Variants in NKD2 observed in about 807,000 individuals in gnomAD.
NKD2 encodes protein naked cuticle homolog 2.
Under a neutral mutation model 34.8 loss-of-function variants are expected in NKD2, and 43 were observed. The observed-to-expected ratio is 1.24, with a 90% CI of 0.97 to 1.60. The LOEUF is 1.60. Among genes scored for constraint, NKD2 ranks in the 40% most tolerant of loss-of-function variants. NKD2 has a pLI of 0.00. For missense variants in NKD2, 675 were observed against 627.1 expected (o/e 1.08, Z -0.82); for synonymous variants, 278 against 265.1 (o/e 1.05, Z -0.47).
At chr5:1,014,767 C>T (rs987254958) in intron 3 of NKD2, among the ~76,000 whole-genome samples, 3 of 152,226 alleles carry the variant, frequency 2.0e-5, no homozygotes, top group Non-Finnish European at 4.4e-5. Context: ...CCCCGCTTTG[C>T]GGCCAAGGGA....
rs1431792242 is a variant in NKD2 at position 1,034,887 on chromosome 5, T to C, written c.558T>C (p.Gly186=). 6.2e-7 allele frequency: 1 copy of C among 1,610,050 alleles called. No homozygotes were observed. ...SPEPSSKRKE[G]PPAGQDREPT... ...AGCCCTCCAGCAAGAGGAAGGAGGG[T>C]CCTCCTGCTGGCCAGGGTGAGTGAG... is the stretch of plus-strand genomic sequence containing the variant. Residue 186 remains glycine (G), a synonymous_variant, in exon 7 of 10, where the codon GGT becomes GGC. Transcript: ENST00000296849.
chr5:1,015,128 G>T (rs571654501), intron 3 of NKD2, among the ~76,000 whole-genome samples: 1 of 152,364 alleles, frequency 6.6e-6, no homozygotes, highest in African/African-American at 2.4e-5. Flanking sequence ...CTGGCCTTTT[G>T]CCCCAAGTGC....
Position 1,033,428 on chromosome 5 carries a change from G to T in NKD2, c.259G>T (p.Ala87Ser), listed in dbSNP as rs769021504. The T allele has an allele frequency of 3.2e-6, 5 of 1,585,166 alleles. No individual in the cohort carries two copies. The highest frequency in any genetic ancestry group is 3.4e-6 in the Non-Finnish European group (4 of 1,166,538). Residue 87 changes from alanine to serine, a missense_variant, in exon 5 of 10, where the codon GCA (alanine) becomes TCA (serine). Coordinates refer to ENST00000296849, the MANE Select transcript of NKD2 (RefSeq NM_033120.4). ...GREHPGQLLS[A>S]DDGERAANRE... ...CGAGCACCCGGGACAACTCCTCAGC[G>T]CAGATGACGGAGAGAGGGCAGCAAA... is the stretch of plus-strand genomic sequence containing the variant.
chr5:1,018,633 G>A (rs1363282193), intron 3 of NKD2, among the ~76,000 whole-genome samples: 1 of 152,176 alleles, frequency 6.6e-6, no homozygotes, highest in Non-Finnish European at 1.5e-5. Context: ...GGGAGAGGTG[G>A]CAAGAACTGG....
intron 4 of NKD2, 93 bp from the exon 5 acceptor site, chr5:1,033,279 T>G: frequency 8.4e-7 from 1 of 1,192,556 alleles, no homozygotes; most frequent in Non-Finnish European, 1.2e-6. Flanking sequence ...AGGATCATGG[T>G]GTGGTGAGGG....
chr5:1,023,334 T>C (rs67183137), intron 3 of NKD2, among the ~76,000 whole-genome samples: 237 of 8,928 alleles, frequency 0.027, no homozygotes, highest in African/African-American at 0.037. Flanking sequence ...TGTGGGCGTC[T>C]CAGCCCATTG....
intron 3 of NKD2, among the ~76,000 whole-genome samples, chr5:1,028,764 G>A (rs367723479): frequency 1.2e-3 from 182 of 151,930 alleles, no homozygotes; most frequent in South Asian, 3.5e-3. Context: ...TCTCGCTAGG[G>A]ACAGGGCCAG....
chr5:1,010,729 C>G (rs1445142548), intron 3 of NKD2, among the ~76,000 whole-genome samples: 1 of 152,196 alleles, frequency 6.6e-6, no homozygotes, highest in African/African-American at 2.4e-5. Context: ...TGCACAGGGG[C>G]TTGCTGGTGA....
At chr5:1,015,692 T>A (rs1302472560) in intron 3 of NKD2, among the ~76,000 whole-genome samples, 1 of 152,208 alleles carries the variant, frequency 6.6e-6, no homozygotes, top group Non-Finnish European at 1.5e-5. Flanking sequence ...TGCCCGCACA[T>A]GCTGCCGCCA....
intron 4 of NKD2, among the ~76,000 whole-genome samples, chr5:1,032,463 T>C (rs1371954984): frequency 6.6e-6 from 1 of 152,194 alleles, no homozygotes; most frequent in East Asian, 1.9e-4. Flanking sequence ...GTTACCTTTA[T>C]GTGTTTGGAG....
intron 3 of NKD2, among the ~76,000 whole-genome samples, chr5:1,027,562 CTCCAGGGGA>C (rs1181442663): frequency 1.3e-5 from 2 of 152,232 alleles, no homozygotes; most frequent in African/African-American, 4.8e-5. Context: ...AGACGTTGGG[CTCCAGGGGA>C]TGCTCCCAGC....
At position 1,038,585 on chromosome 5, in the gene NKD2, C is replaced by T. The variant is rs114282654; in HGVS notation, c.*212C>T. ...GCCCAGGCGCCCTCTGCTCTTCTGC[C>T]CTCGATGCCACATGGCGGTGAACAC... On this transcript the variant is annotated 3_prime_UTR_variant, in exon 10 of 10. Transcript: ENST00000296849. The surrounding 1 kb of genome is among the most constrained non-coding windows in gnomAD (Gnocchi z 4.5). The T allele has an allele frequency of 2.8e-3, 2,589 of 939,584 alleles. 14 individuals are homozygous for T. Among genetic ancestry groups the T allele is most frequent in the Middle Eastern group, 0.015 (71 of 4,840 alleles). The allele number at this position is 939,584 out of a possible 1,614,324, so 58.2% of individuals were successfully genotyped here.
intron 9 of NKD2, chr5:1,036,942 A>AGGCGGGCAGTGTGGAC (rs766974810): frequency 2.3e-5 from 8 of 348,780 alleles, no homozygotes; most frequent in African/African-American, 5.5e-5. Context: ...TGTGGATGGC[A>AGGCGGGCAGTGTGGAC]GGCGGGCAGT....
chr5:1,022,221 T>C (rs1258004291), intron 3 of NKD2, among the ~76,000 whole-genome samples: 9 of 144,998 alleles, frequency 6.2e-5, no homozygotes, highest in Non-Finnish European at 9.2e-5. Flanking sequence ...GCTGTGGGTG[T>C]CCCAGCCCTT....
intron 3 of NKD2, among the ~76,000 whole-genome samples, chr5:1,012,760 G>A (rs1028245417): frequency 2.6e-5 from 4 of 151,996 alleles, no homozygotes; most frequent in Non-Finnish European, 5.9e-5. Context: ...AGAGGCAGGG[G>A]TGGGGCTGCC....
Position 1,038,101 on chromosome 5 carries a change from C to A in NKD2, c.1084C>A (p.Pro362Thr). ...AFSYYLPAVL[P>T]PQAPQDGHHL... ...CAGCTACTACCTGCCGGCCGTCCTG[C>A]CGCCCCAGGCCCCTCAGGACGGCCA... Residue 362 changes from proline (P) to threonine (T), a missense_variant, in exon 10 of 10, where the codon CCG (proline) becomes ACG (threonine). Transcript: ENST00000296849. This position sits in a 1 kb window ranked among gnomAD's most constrained non-coding sequence, Gnocchi z 4.5. The A allele has an allele frequency of 6.2e-7, 1 of 1,602,312 alleles. No homozygotes were observed.
At chr5:1,017,681 G>T (rs558211326) in intron 3 of NKD2, among the ~76,000 whole-genome samples, 1 of 152,228 alleles carries the variant, frequency 6.6e-6, no homozygotes, top group African/African-American at 2.4e-5. Flanking sequence ...CCACCACGGG[G>T]CCGCCCTGCA....
intron 3 of NKD2, among the ~76,000 whole-genome samples, chr5:1,019,262 C>CCTG (rs1318219870): frequency 6.6e-6 from 1 of 152,210 alleles, no homozygotes; most frequent in Non-Finnish European, 1.5e-5. Context: ...TCCCGAGAAC[C>CCTG]CTGCAGCCTC....
chr5:1,034,963 G>T, intron 7 of NKD2, 60 bp downstream of exon 7: 2 of 1,479,916 alleles, frequency 1.4e-6, no homozygotes, highest in Non-Finnish European at 1.8e-6. Context: ...GGCCTAAGCT[G>T]TGTGCGCGGG....
Sources: allele counts gnomAD v4.1 joint callset (sites outside exome capture counted in the v4.1 genomes callset), GRCh38; gene constraint gnomAD v4.1.1; non-coding constraint Gnocchi (gnomAD v3.1); transcripts MANE v1.5; gene names NCBI Gene and HGNC (gene_info 2026-07-23, HGNC 2026-07-21).